The following WDR25 variants were observed in gnomAD, a reference collection of about 807,000 sequenced individuals.
The protein encoded by WDR25 is WD repeat-containing protein 25.
Under a neutral mutation model 47.7 loss-of-function variants are expected in WDR25, and 35 were observed. The ratio of observed to expected loss-of-function variants is 0.73; its 90% confidence interval spans 0.56 to 0.97. The LOEUF is 0.97. Ranked by LOEUF, WDR25 falls within the 50% of genes least tolerant of loss-of-function variation. The pLI is 0.00. For synonymous variants in WDR25, 248 were observed against 278.9 expected (o/e 0.89, Z 1.10); for missense variants, 634 against 704.7 (o/e 0.90, Z 1.14).
intron 2 of WDR25, among the ~76,000 whole-genome samples, chr14:100,452,577 C>T (rs1033149722): frequency 6.6e-6 from 1 of 151,980 alleles, no homozygotes; most frequent in African/African-American, 2.4e-5. Flanking sequence ...GTGCCCAGGC[C>T]TTGAGGGGGA....
intron 3 of WDR25, among the ~76,000 whole-genome samples, chr14:100,476,828 GGCTGCCTCTGA>G (rs1210663830): frequency 6.6e-6 from 1 of 152,122 alleles, no homozygotes; most frequent in Non-Finnish European, 1.5e-5. Flanking sequence ...GCTTTGCCAG[GGCTGCCTCTGA>G]GCTCCCTGGA....
rs1900958486 is a variant in WDR25, at chr14:100,502,478, C to T, written c.1101+18354C>T. On this transcript the variant is annotated intron_variant, in intron 4 of 6. Coordinates refer to ENST00000402312, the MANE Select transcript of WDR25 (RefSeq NM_001161476.3). The surrounding 1 kb of genome is among the most constrained non-coding windows in gnomAD (Gnocchi z 4.5). The stretch of plus-strand genomic sequence containing the variant: ...CTGCTGCGAGTAGTCAGCTCCCTCT[C>T]CTGGAGCTGGGGGAGCTGGGGGACC... Among the ~76,000 whole-genome samples the T allele has an allele frequency of 6.6e-6, 1 of 152,246 alleles. No individual in the cohort carries two copies. Among genetic ancestry groups the T allele is most frequent in the African/African-American group, 2.4e-5 (1 of 41,464 alleles).
At chr14:100,493,635 G>A (rs1050995410) in intron 4 of WDR25, among the ~76,000 whole-genome samples, 3 of 152,122 alleles carry the variant, frequency 2.0e-5, no homozygotes, top group Non-Finnish European at 4.4e-5. Flanking sequence ...GTGACACATC[G>A]TTGTCACTCA....
rs1485020583 is a variant in WDR25 at position 100,502,640 on chromosome 14, C to T, written c.1101+18516C>T. On this transcript the variant is annotated intron_variant, in intron 4 of 6. Transcript: ENST00000402312. The surrounding 1 kb of genome is among the most constrained non-coding windows in gnomAD (Gnocchi z 4.5). ...CCACTGCATGGCCAAGTGGCCACGG[C>T]GTGGGGGAACATGAGGTCCCTCCCT... Among the ~76,000 whole-genome samples, 5 of 152,174 alleles carry T rather than the reference C, an allele frequency of 3.3e-5. No individual in the cohort carries two copies. The highest frequency in any genetic ancestry group is 7.3e-5 in the Non-Finnish European group (5 of 68,028).
At chr14:100,518,347 A>G (rs1441681255) in intron 4 of WDR25, among the ~76,000 whole-genome samples, 1 of 152,152 alleles carries the variant, frequency 6.6e-6, no homozygotes, top group Non-Finnish European at 1.5e-5. Flanking sequence ...TGGTATTTCA[A>G]ATTGTTCTCC....
chr14:100,475,586 C>T (rs1172749691), intron 3 of WDR25, among the ~76,000 whole-genome samples: 5 of 151,800 alleles, frequency 3.3e-5, no homozygotes, highest in South Asian at 2.1e-4. Context: ...AAGTTGATCT[C>T]GTAGAAGCGT....
At chr14:100,389,944 G>C (rs1566885653) in intron 2 of WDR25, among the ~76,000 whole-genome samples, 1 of 152,148 alleles carries the variant, frequency 6.6e-6, no homozygotes, top group Non-Finnish European at 1.5e-5. Flanking sequence ...GATTGCTTGG[G>C]CATCCTGGAT....
At chr14:100,409,451 G>A (rs2140187247) in intron 2 of WDR25, among the ~76,000 whole-genome samples, 1 of 150,022 alleles carries the variant, frequency 6.7e-6, no homozygotes, top group South Asian at 2.1e-4. Context: ...AGCTGATCGA[G>A]GGTCTTTAAA....
In WDR25 at chr14:100,425,883, A is replaced by G. The variant is rs1307414765; in HGVS notation, c.823-42138A>G. Among the ~76,000 whole-genome samples, 1 of 152,128 alleles carries G rather than the reference A, an allele frequency of 6.6e-6. No homozygotes were observed. Among genetic ancestry groups the G allele is most frequent in the Non-Finnish European group, 1.5e-5 (1 of 68,016 alleles). ...ATCACCTGGGGCAAGCTGACCCTCA[A>G]CATGAGGCAAGGGGTATTCAGTGGG... is the stretch of plus-strand genomic sequence containing the variant. On this transcript the variant is annotated intron_variant, in intron 2 of 6. Transcript: ENST00000402312. This position sits in a 1 kb window ranked among gnomAD's most constrained non-coding sequence, Gnocchi z 4.8.
At chr14:100,520,060 A>G (rs990651813) in intron 4 of WDR25, among the ~76,000 whole-genome samples, 38 of 134,342 alleles carry the variant, frequency 2.8e-4, no homozygotes, top group African/African-American at 1.0e-3. Context: ...ATATGTACAT[A>G]TGTGTGTGTG....
At chr14:100,412,736 T>C (rs1897747512) in intron 2 of WDR25, among the ~76,000 whole-genome samples, 1 of 152,166 alleles carries the variant, frequency 6.6e-6, no homozygotes, top group Admixed American at 6.5e-5. Flanking sequence ...TGAGATGGGG[T>C]TGATGCCACA....
At chr14:100,432,447 C>CA (rs1044835728) in intron 2 of WDR25, among the ~76,000 whole-genome samples, 3 of 152,146 alleles carry the variant, frequency 2.0e-5, no homozygotes, top group Non-Finnish European at 4.4e-5. Flanking sequence ...CACTAGCCTA[C>CA]AAAAAATCCA....
In WDR25 at chr14:100,500,145, A is replaced by G. The variant is rs1283702614; in HGVS notation, c.1101+16021A>G. 6.6e-6 allele frequency among the ~76,000 whole-genome samples: 1 copy of G among 151,992 alleles called. No individual in the cohort carries two copies. ...GCTGCATCCTCTCTGTGCACCAAGGAGGAGGGCCAGCCTGACTGGATGGGG... is the reference window on the plus strand; with the variant it reads ...GCTGCATCCTCTCTGTGCACCAAGGGGGAGGGCCAGCCTGACTGGATGGGG... On this transcript the variant is annotated intron_variant, in intron 4 of 6. Coordinates refer to ENST00000402312, the MANE Select transcript of WDR25 (RefSeq NM_001161476.3). This position sits in a 1 kb window ranked among gnomAD's most constrained non-coding sequence, Gnocchi z 4.7.
At position 100,430,673 on chromosome 14, in the gene WDR25, T is replaced by C. The variant is rs1262139452; in HGVS notation, c.823-37348T>C. Among the ~76,000 whole-genome samples, 1 of 152,128 alleles carries C rather than the reference T, an allele frequency of 6.6e-6. No homozygotes were observed. The highest frequency in any genetic ancestry group is 1.9e-4 in the East Asian group (1 of 5,188). On this transcript the variant is annotated intron_variant, in intron 2 of 6. Transcript: ENST00000402312. This position sits in a 1 kb window ranked among gnomAD's most constrained non-coding sequence, Gnocchi z 4.7. Reference sequence around the variant, plus strand: ...GCACAGTGGGAACCAGCGGCTGTTATAGGTGACCCAGTGAGGGAGGCTGCA... The same window carrying C: ...GCACAGTGGGAACCAGCGGCTGTTACAGGTGACCCAGTGAGGGAGGCTGCA...
chr14:100,518,077 C>G (rs1478761265), intron 4 of WDR25, among the ~76,000 whole-genome samples: 1 of 152,044 alleles, frequency 6.6e-6, no homozygotes, highest in East Asian at 1.9e-4. Context: ...TGCTGCTGTT[C>G]CTTCATCCCT....
intron 3 of WDR25, among the ~76,000 whole-genome samples, chr14:100,472,049 C>T (rs1899855739): frequency 6.6e-6 from 1 of 152,236 alleles, no homozygotes; most frequent in Non-Finnish European, 1.5e-5. Flanking sequence ...CCCCGGAGAG[C>T]TCCCTCAGTT....
chr14:100,482,833 C>T (rs544440821), intron 3 of WDR25, among the ~76,000 whole-genome samples: 2 of 152,338 alleles, frequency 1.3e-5, no homozygotes, highest in African/African-American at 2.4e-5. Context: ...ACCAGCTTCC[C>T]GTGTCCCTAA....
intron 2 of WDR25, among the ~76,000 whole-genome samples, chr14:100,442,999 A>G (rs1898714880): frequency 6.6e-6 from 1 of 152,232 alleles, no homozygotes; most frequent in African/African-American, 2.4e-5. Flanking sequence ...TTCCCCACCC[A>G]GACCTACCGC....
intron 2 of WDR25, among the ~76,000 whole-genome samples, chr14:100,465,083 C>G (rs978488673): frequency 3.9e-5 from 6 of 152,036 alleles, no homozygotes; most frequent in Non-Finnish European, 7.4e-5. Context: ...CCCTCCCTTC[C>G]TAGGAGTGAT....
Sources: gnomAD v4.1 joint callset for allele counts (sites outside exome capture counted in the v4.1 genomes callset) on GRCh38, gnomAD v4.1.1 for gene constraint, Gnocchi (gnomAD v3.1) non-coding constraint, MANE v1.5 for transcripts, NCBI Gene and HGNC (gene_info 2026-07-23, HGNC 2026-07-21) for gene names.